The following DCBLD1 variants were observed in gnomAD, a reference collection of about 807,000 sequenced individuals.
The protein encoded by DCBLD1 is discoidin, CUB and LCCL domain containing 1.
In DCBLD1, 57 loss-of-function variants were observed where a neutral mutation model predicts 71.5. The ratio of observed to expected loss-of-function variants is 0.80; its 90% CI spans 0.64 to 0.99. The LOEUF (loss-of-function observed/expected upper bound fraction) is 0.99, where lower values mean the gene tolerates loss of function less well. Among genes scored for constraint, DCBLD1 ranks in the 50% least tolerant of loss-of-function variants. The pLI, the probability that DCBLD1 is intolerant of heterozygous loss-of-function variation, is 0.00. For missense variants in DCBLD1, 891 were observed against 923.5 expected (o/e 0.96, Z 0.46); for synonymous variants, 380 against 363.8 (o/e 1.04, Z -0.51).
chr6:117,543,068 GA>G (rs1480519526), intron 11 of DCBLD1, 55 bp from the exon 12 acceptor site: 3 of 1,442,000 alleles, frequency 2.1e-6, no homozygotes, highest in Non-Finnish European at 2.9e-6. Flanking sequence ...TTTAAATCAT[GA>G]AAAGTGGTTG....
At chr6:117,552,520 G>A (rs1002286855), downstream of DCBLD1, among the ~76,000 whole-genome samples, 4 of 151,844 alleles carry the variant, frequency 2.6e-5, no homozygotes, top group Non-Finnish European at 5.9e-5. Flanking sequence ...ACCATTCAAA[G>A]CTCTCCCTTT....
At chr6:117,534,907 AT>A (rs1268871310) in intron 6 of DCBLD1, among the ~76,000 whole-genome samples, 1 of 151,956 alleles carries the variant, frequency 6.6e-6, no homozygotes, top group African/African-American at 2.4e-5. Context: ...TCTCATTTTT[AT>A]TTTGGGGGGA....
chr6:117,559,492 G>A (rs1779542672), intron 14 of DCBLD1, among the ~76,000 whole-genome samples: 1 of 152,176 alleles, frequency 6.6e-6, no homozygotes. Context: ...CAGCAGCATG[G>A]AGGAGCATAG....
At chr6:117,563,086 CAG>C (rs1174884061) in intron 14 of DCBLD1, 2 of 598,600 alleles carry the variant, frequency 3.3e-6, no homozygotes, top group Admixed American at 3.0e-5. Context: ...CCACAGAAAA[CAG>C]GGTGTTTTAT....
chr6:117,569,672 C>G, exon 15 of DCBLD1: 1 of 1,611,150 alleles, frequency 6.2e-7, no homozygotes, highest in Non-Finnish European at 8.5e-7. Context: ...CCCTCCGCAT[C>G]TATCAGCAGG....
At chr6:117,558,565 G>A (rs1265681322) in intron 14 of DCBLD1, among the ~76,000 whole-genome samples, 3 of 152,160 alleles carry the variant, frequency 2.0e-5, no homozygotes, top group Non-Finnish European at 2.9e-5. Flanking sequence ...TCACAATTAT[G>A]ATTTATTACA....
chr6:117,564,051 C>T (rs1299337317), intron 14 of DCBLD1, among the ~76,000 whole-genome samples: 9 of 150,584 alleles, frequency 6.0e-5, no homozygotes, highest in Non-Finnish European at 1.5e-5. Flanking sequence ...GATTACGGCT[C>T]ACTGCTGCCT....
At chr6:117,504,157 G>T (rs912269216) in intron 2 of DCBLD1, among the ~76,000 whole-genome samples, 178 bp downstream of exon 2, 3 of 152,240 alleles carry the variant, frequency 2.0e-5, no homozygotes, top group African/African-American at 4.8e-5. Flanking sequence ...AACAGCAAAA[G>T]ACATCTAAGG....
intron 1 of DCBLD1, among the ~76,000 whole-genome samples, chr6:117,499,468 A>C (rs1777581057): frequency 6.6e-6 from 1 of 152,072 alleles, no homozygotes; most frequent in South Asian, 2.1e-4. Context: ...AGAGTATAAA[A>C]AAGTATAAAA....
intron 1 of DCBLD1, among the ~76,000 whole-genome samples, chr6:117,500,934 A>G (rs1719247612): frequency 6.6e-6 from 1 of 152,084 alleles, no homozygotes; most frequent in Non-Finnish European, 1.5e-5. Context: ...AATTTAGAAT[A>G]TGATAGTCAC....
chr6:117,526,006 A>G (rs564972048), intron 5 of DCBLD1, among the ~76,000 whole-genome samples: 1 of 152,290 alleles, frequency 6.6e-6, no homozygotes, highest in Non-Finnish European at 1.5e-5. Context: ...TTACATTGCT[A>G]TTTGAAGTAG....
chr6:117,508,376 T>C (rs1172694216), intron 2 of DCBLD1, among the ~76,000 whole-genome samples: 1 of 152,176 alleles, frequency 6.6e-6, no homozygotes, highest in Non-Finnish European at 1.5e-5. Flanking sequence ...AGGTTAGTTA[T>C]ATAAAACACT....
chr6:117,537,091 TG>T, intron 6 of DCBLD1, 93 bp from the exon 7 acceptor site: 1 of 1,234,658 alleles, frequency 8.1e-7, no homozygotes, highest in Non-Finnish European at 1.2e-6. Flanking sequence ...GAAGCACAGG[TG>T]GGAAAGTTCT....
At position 117,516,150 on chromosome 6, in the gene DCBLD1, G is replaced by A. The variant is rs921293033; in HGVS notation, c.326-3666G>A. Among the ~76,000 whole-genome samples the A allele has an allele frequency of 2.0e-5, 3 of 151,550 alleles. No individual in the cohort carries two copies. The East Asian group carries it at 5.8e-4, about 29-fold the overall frequency. On this transcript the variant is annotated intron_variant, in intron 2 of 14. Transcript: ENST00000338728. The stretch of plus-strand genomic sequence containing the variant: ...GGGCAGATCACGAGGTCCGGAGATC[G>A]AGACTATACTGGCTAACACAGTGAA...
chr6:117,482,810 C>T lies in DCBLD1; in HGVS notation c.29C>T (p.Ala10Val). ...GTGCCCGGCGCCCGCGGCGGCGGCG[C>T]ACTGGCGCGGGCTGCCGGGCGGGGC... is the stretch of plus-strand genomic sequence containing the variant. The part of the protein sequence containing the change: MVPGARGGG[A>V]LARAAGRGLL... Residue 10 changes from alanine to valine, a missense_variant, in exon 1 of 15, where the codon GCA (alanine) becomes GTA (valine). Transcript: ENST00000338728. 2 of 1,158,820 alleles carry T rather than the reference C, an allele frequency of 1.7e-6. No individual in the cohort carries two copies. The highest frequency in any genetic ancestry group is 4.7e-5 in the Admixed American group (1 of 21,058). 71.8% of individuals were successfully genotyped at this position (1,158,820 alleles called of 1,614,324 possible).
chr6:117,498,554 C>T (rs1354573272), intron 1 of DCBLD1, among the ~76,000 whole-genome samples: 5 of 152,078 alleles, frequency 3.3e-5, no homozygotes, highest in Non-Finnish European at 5.9e-5. Flanking sequence ...GTGTCACTCC[C>T]GGCCTATCCT....
intron 9 of DCBLD1, chr6:117,540,130 T>A (rs961240184): frequency 1.3e-5 from 2 of 152,508 alleles, no homozygotes; most frequent in Non-Finnish European, 2.9e-5. Context: ...AATCCAAGAA[T>A]AAGAAATGTG....
At chr6:117,537,429 G>A (rs924015855) in intron 7 of DCBLD1, among the ~76,000 whole-genome samples, 16 of 151,600 alleles carry the variant, frequency 1.1e-4, no homozygotes, top group Non-Finnish European at 1.9e-4. Context: ...AGCTTCTCGG[G>A]AGGCTGAGGC....
intron 2 of DCBLD1, among the ~76,000 whole-genome samples, chr6:117,511,626 G>A (rs1027242734): frequency 7.9e-5 from 12 of 152,156 alleles, no homozygotes; most frequent in Non-Finnish European, 1.6e-4. Flanking sequence ...ACAGGTTTCT[G>A]CATGTCATTT....
Sources: gnomAD v4.1 joint callset for allele counts (sites outside exome capture counted in the v4.1 genomes callset) on GRCh38, gnomAD v4.1.1 for gene constraint, MANE v1.5 for transcripts, NCBI Gene and HGNC (gene_info 2026-07-23, HGNC 2026-07-21) for gene names.